Variants in ELMO1 observed in about 807,000 individuals in gnomAD.
ELMO1 encodes engulfment and cell motility protein 1.
Under a neutral mutation model 98.9 loss-of-function variants are expected in ELMO1, and 26 were observed. The observed-to-expected ratio is 0.26, with a 90% CI of 0.19 to 0.36. ELMO1 has a LOEUF of 0.36. ELMO1 is among the 10% of genes least tolerant of loss of function. The pLI, the probability that ELMO1 is intolerant of heterozygous loss-of-function variation, is 1.00. For synonymous variants in ELMO1, 346 were observed against 346.0 expected (o/e 1.00, Z 0.00); for missense variants, 627 against 935.2 (o/e 0.67, Z 4.30).
At chr7:37,002,571 A>C (rs1792757150) in intron 16 of ELMO1, among the ~76,000 whole-genome samples, 1 of 152,248 alleles carries the variant, frequency 6.6e-6, no homozygotes, top group Non-Finnish European at 1.5e-5. Flanking sequence ...AACTTACTAG[A>C]CTGCCAGCTC....
chr7:36,855,443 G>C lies in ELMO1; in HGVS notation c.*108C>G. ...ATGCTGAAGGGAATGTGGACCCACAGCTTCCCTTTACCAAAGGACGGTTCC... is the reference window on the plus strand; with the variant it reads ...ATGCTGAAGGGAATGTGGACCCACACCTTCCCTTTACCAAAGGACGGTTCC... On this transcript the variant is annotated 3_prime_UTR_variant, in exon 22 of 22. Transcript: ENST00000310758. This position sits in a 1 kb window ranked among gnomAD's most constrained non-coding sequence, Gnocchi z 4.2. 1 of 1,402,882 alleles carries C rather than the reference G, an allele frequency of 7.1e-7. No individual in the cohort carries two copies. Among genetic ancestry groups the C allele is most frequent in the Non-Finnish European group, 9.9e-7 (1 of 1,005,750 alleles). The allele number at this position is 1,402,882 out of a possible 1,614,324, so 86.9% of individuals were successfully genotyped here.
chr7:36,905,431 G>A (rs905413233), intron 16 of ELMO1, among the ~76,000 whole-genome samples: 1 of 152,090 alleles, frequency 6.6e-6, no homozygotes, highest in Admixed American at 6.5e-5. Context: ...CCAAAATCAG[G>A]GGAGGAATTC....
At chr7:37,358,336 C>A (rs1409577375) in intron 1 of ELMO1, among the ~76,000 whole-genome samples, 1 of 152,176 alleles carries the variant, frequency 6.6e-6, no homozygotes, top group Non-Finnish European at 1.5e-5. Context: ...CTAATAATAT[C>A]CACTTTGACA....
chr7:36,968,764 G>C (rs980262764), intron 16 of ELMO1, among the ~76,000 whole-genome samples: 4 of 151,502 alleles, frequency 2.6e-5, no homozygotes, highest in African/African-American at 9.7e-5. Context: ...TTATTGCCTT[G>C]CATTATCTTT....
At chr7:36,898,335 A>T (rs1232735946) in intron 16 of ELMO1, among the ~76,000 whole-genome samples, 1 of 152,232 alleles carries the variant, frequency 6.6e-6, no homozygotes, top group Non-Finnish European at 1.5e-5. Context: ...GGAATTAAAC[A>T]CAGACATCAA....
At chr7:37,281,004 T>A (rs901744894) in intron 4 of ELMO1, among the ~76,000 whole-genome samples, 1 of 109,856 alleles carries the variant, frequency 9.1e-6, no homozygotes, top group East Asian at 2.2e-4. Context: ...TATAAAAATA[T>A]ATATATAAAT....
rs529875043 is a variant in ELMO1 at position 36,979,483 on chromosome 7, G to A, written c.1437+33816C>T. 1.4e-4 allele frequency among the ~76,000 whole-genome samples: 22 copies of A among 152,242 alleles called. No homozygotes were observed. The South Asian group carries it at 1.9e-3, about 13-fold the overall frequency. On this transcript the variant is annotated intron_variant, in intron 16 of 21. Transcript: ENST00000310758. ...AGGTGGTCTTTGCAAAGCTTCTTACGCCTACTTTGCCCAGATATTTGACGC... is the reference window on the plus strand; with the variant it reads ...AGGTGGTCTTTGCAAAGCTTCTTACACCTACTTTGCCCAGATATTTGACGC...
At chr7:37,243,271 T>C (rs1794844527) in intron 7 of ELMO1, among the ~76,000 whole-genome samples, 1 of 152,178 alleles carries the variant, frequency 6.6e-6, no homozygotes, top group Admixed American at 6.5e-5. Flanking sequence ...CAAATTCTGT[T>C]AAGTAGATGG....
At chr7:37,230,479 G>A (rs750931878) in intron 8 of ELMO1, among the ~76,000 whole-genome samples, 1 of 152,158 alleles carries the variant, frequency 6.6e-6, no homozygotes, top group African/African-American at 2.4e-5. Context: ...TGTGACCAAG[G>A]ACGCCCACTC....
At chr7:37,414,779 T>C (rs1462467498) in intron 1 of ELMO1, among the ~76,000 whole-genome samples, 4 of 152,332 alleles carry the variant, frequency 2.6e-5, no homozygotes, top group Middle Eastern at 6.8e-3. Context: ...ACCTGCTGCA[T>C]TGGAAAAATC....
intron 4 of ELMO1, among the ~76,000 whole-genome samples, chr7:37,298,552 T>C (rs989136850): frequency 4.1e-5 from 6 of 146,940 alleles, no homozygotes; most frequent in African/African-American, 1.5e-4. Flanking sequence ...GAATATGCGG[T>C]GTTTGGTTTT....
chr7:37,072,342 T>C (rs1797321549), intron 15 of ELMO1, among the ~76,000 whole-genome samples: 1 of 152,166 alleles, frequency 6.6e-6, no homozygotes, highest in Non-Finnish European at 1.5e-5. Flanking sequence ...TAAATAAGTC[T>C]CATAAGATCG....
intron 4 of ELMO1, among the ~76,000 whole-genome samples, chr7:37,292,556 C>T (rs1490456119): frequency 4.0e-5 from 4 of 99,354 alleles, no homozygotes; most frequent in South Asian, 3.5e-4. Flanking sequence ...CGTCTCTGCC[C>T]GGCCGCCCAT....
At chr7:37,332,050 T>G (rs1444369919) in intron 2 of ELMO1, among the ~76,000 whole-genome samples, 1 of 152,204 alleles carries the variant, frequency 6.6e-6, no homozygotes, top group Non-Finnish European at 1.5e-5. Flanking sequence ...CATCTCATGA[T>G]GATGAGGCTG....
At chr7:37,174,228 C>T (rs889860168) in intron 13 of ELMO1, among the ~76,000 whole-genome samples, 3 of 152,108 alleles carry the variant, frequency 2.0e-5, no homozygotes, top group Admixed American at 6.6e-5. Flanking sequence ...AGATGCCCAG[C>T]GGTCATCTCA....
At chr7:37,147,266 T>C (rs1458371203) in intron 13 of ELMO1, among the ~76,000 whole-genome samples, 6 of 152,138 alleles carry the variant, frequency 3.9e-5, no homozygotes, top group African/African-American at 1.4e-4. Context: ...TCTAGGCCAA[T>C]AGATTCTAAG....
chr7:37,376,642 T>C (rs1054203858), intron 1 of ELMO1, among the ~76,000 whole-genome samples: 1 of 152,132 alleles, frequency 6.6e-6, no homozygotes, highest in African/African-American at 2.4e-5. Context: ...TGTGAGTTCA[T>C]CTACAACCAA....
At chr7:37,154,637 AAAGCCTCT>A (rs1216907137) in intron 13 of ELMO1, among the ~76,000 whole-genome samples, 1 of 152,234 alleles carries the variant, frequency 6.6e-6, no homozygotes. Context: ...AGAAACTAAC[AAAGCCTCT>A]AAGAAATACG....
chr7:37,096,585 G>A (rs368966328), intron 15 of ELMO1, 34 bp downstream of exon 15: 322 of 1,590,864 alleles, frequency 2.0e-4, no homozygotes, highest in Non-Finnish European at 2.7e-4. Context: ...GACTCTGCCA[G>A]CTTCACACCC....
Sources: gnomAD v4.1 joint callset for allele counts (sites outside exome capture counted in the v4.1 genomes callset) on GRCh38, gnomAD v4.1.1 for gene constraint, Gnocchi (gnomAD v3.1) non-coding constraint, MANE v1.5 for transcripts, NCBI Gene and HGNC (gene_info 2026-07-23, HGNC 2026-07-21) for gene names.